Variants in OPRM1 observed in about 807,000 individuals in gnomAD.
OPRM1 encodes the protein opioid receptor mu 1, also known as mu-type opioid receptor.
Under a neutral mutation model 31.8 loss-of-function variants are expected in OPRM1, and 27 were observed. That is an observed-to-expected ratio of 0.85 (90% CI 0.63 to 1.17). The LOEUF (loss-of-function observed/expected upper bound fraction) is 1.17, where lower values mean the gene tolerates loss of function less well. Among genes scored for constraint, OPRM1 ranks in the 50% most tolerant of loss-of-function variants. OPRM1 has a pLI of 0.00. For synonymous variants in OPRM1, 196 were observed against 189.9 expected (o/e 1.03, Z -0.26); for missense variants, 536 against 511.1 (o/e 1.05, Z -0.47).
chr6:154,207,189 C>G (rs1490684483), intron 3 of OPRM1, among the ~76,000 whole-genome samples: 1 of 152,168 alleles, frequency 6.6e-6, no homozygotes, highest in Admixed American at 6.5e-5. Context: ...GGAGAGCCAC[C>G]GGGCTGCGTG....
At chr6:154,160,886 T>C (rs780446369) in intron 3 of OPRM1, among the ~76,000 whole-genome samples, 1 of 152,194 alleles carries the variant, frequency 6.6e-6, no homozygotes, top group Non-Finnish European at 1.5e-5. Context: ...GCGAGACCAC[T>C]GCCTCCAATG....
At chr6:154,083,994 C>T in intron 1 of OPRM1, among the ~76,000 whole-genome samples, 1 of 148,716 alleles carries the variant, frequency 6.7e-6, no homozygotes, top group South Asian at 2.2e-4. Flanking sequence ...ATTCATCCCA[C>T]TCTGGTGACA....
chr6:154,110,460 G>T (rs1420321082), intron 3 of OPRM1: 3 of 1,241,808 alleles, frequency 2.4e-6, no homozygotes, highest in South Asian at 1.3e-5. Context: ...AAGCCAGAGA[G>T]CCTGGGTTCT....
At chr6:154,064,560 G>T (rs1784999779) in intron 1 of OPRM1, among the ~76,000 whole-genome samples, 1 of 152,118 alleles carries the variant, frequency 6.6e-6, no homozygotes, top group Admixed American at 6.6e-5. Flanking sequence ...AGAAATCTTT[G>T]TGAAATCTAA....
intron 3 of OPRM1, among the ~76,000 whole-genome samples, chr6:154,148,880 AC>A (rs970095549): frequency 6.6e-6 from 1 of 152,178 alleles, no homozygotes; most frequent in African/African-American, 2.4e-5. Context: ...GTCATCTATT[AC>A]TTGACCTCTG....
chr6:154,239,148 C>T (rs1164954169), intron 3 of OPRM1, among the ~76,000 whole-genome samples: 10 of 151,980 alleles, frequency 6.6e-5, no homozygotes, highest in South Asian at 4.2e-4. Context: ...TCCTGGCTCT[C>T]GGTGTTCCAC....
intron 3 of OPRM1, among the ~76,000 whole-genome samples, chr6:154,112,388 C>T (rs949996708): frequency 1.3e-5 from 2 of 152,236 alleles, no homozygotes; most frequent in Non-Finnish European, 2.9e-5. Context: ...TATCAGCATG[C>T]TAATGCCAGT....
At chr6:154,096,297 T>A (rs144621204) in intron 3 of OPRM1, among the ~76,000 whole-genome samples, 2 of 152,124 alleles carry the variant, frequency 1.3e-5, no homozygotes, top group Non-Finnish European at 2.9e-5. Flanking sequence ...TGACCCCAAG[T>A]GATCCGCCCA....
intron 3 of OPRM1, among the ~76,000 whole-genome samples, chr6:154,237,444 C>T (rs988502061): frequency 6.6e-6 from 1 of 152,192 alleles, no homozygotes; most frequent in South Asian, 2.1e-4. Context: ...AAAACCATTC[C>T]TGGTATCTGA....
intron 3 of OPRM1, chr6:154,107,729 GT>G: frequency 1.4e-6 from 1 of 718,486 alleles, no homozygotes; most frequent in Non-Finnish European, 2.6e-6. Flanking sequence ...ACTTCATCCA[GT>G]TTTTTTGTTG....
At chr6:154,053,455 A>G (rs1782589412) in intron 1 of OPRM1, among the ~76,000 whole-genome samples, 1 of 152,158 alleles carries the variant, frequency 6.6e-6, no homozygotes, top group African/African-American at 2.4e-5. Context: ...CATATTGCTC[A>G]TTTAAAAAAA....
intron 1 of OPRM1, among the ~76,000 whole-genome samples, chr6:154,042,354 C>T (rs528999777): frequency 2.0e-4 from 31 of 152,236 alleles, no homozygotes; most frequent in African/African-American, 7.0e-4. Flanking sequence ...ATTGTCCTTG[C>T]TAAAATGCTG....
chr6:154,068,210 A>G (rs1785870442), intron 1 of OPRM1, among the ~76,000 whole-genome samples: 1 of 152,182 alleles, frequency 6.6e-6, no homozygotes, highest in Non-Finnish European at 1.5e-5. Context: ...CTAGCTAGTT[A>G]TAACTTCTGT....
At chr6:154,069,170 T>C (rs1475601349) in intron 1 of OPRM1, among the ~76,000 whole-genome samples, 1 of 152,242 alleles carries the variant, frequency 6.6e-6, no homozygotes, top group African/African-American at 2.4e-5. Context: ...TTCACTCTGG[T>C]AATTTGTCTC....
At chr6:154,151,164 G>A (rs1018747777) in intron 3 of OPRM1, among the ~76,000 whole-genome samples, 3 of 152,202 alleles carry the variant, frequency 2.0e-5, no homozygotes, top group Admixed American at 6.5e-5. Context: ...CCATCCTTAC[G>A]ATCGGTATCC....
intron 3 of OPRM1, among the ~76,000 whole-genome samples, chr6:154,204,946 T>C (rs888614488): frequency 6.6e-6 from 1 of 152,170 alleles, no homozygotes; most frequent in African/African-American, 2.4e-5. Context: ...ACACTGGCCT[T>C]CTTTCTGTCC....
intron 1 of OPRM1, among the ~76,000 whole-genome samples, chr6:154,053,787 A>G (rs1325299894): frequency 1.3e-5 from 2 of 152,234 alleles, no homozygotes; most frequent in Non-Finnish European, 2.9e-5. Context: ...GACCATCAGG[A>G]AAAAGTTCGC....
Position 154,039,342 on chromosome 6 carries a change from G to C in OPRM1, c.-203G>C, listed in dbSNP as rs768449856. 6 of 1,547,686 alleles carry C rather than the reference G, an allele frequency of 3.9e-6. No individual in the cohort carries two copies. Among genetic ancestry groups the C allele is most frequent in the Non-Finnish European group, 5.2e-6 (6 of 1,144,748 alleles). The stretch of plus-strand genomic sequence containing the variant: ...CTGTGAACTACTAAGGTGGGAGGGG[G>C]CTATACGCAGAGGAGAATGTCAGAT... On this transcript the variant is annotated 5_prime_UTR_variant, in exon 1 of 4. Transcript: ENST00000330432.
intron 1 of OPRM1, among the ~76,000 whole-genome samples, chr6:154,060,601 G>A (rs487511): frequency 0.047 from 7,221 of 152,188 alleles, 327 homozygotes; most frequent in Admixed American, 0.15. Context: ...TTTGCTTATT[G>A]TATCAATATG....
Sources: gnomAD v4.1 joint callset for allele counts (sites outside exome capture counted in the v4.1 genomes callset) on GRCh38, gnomAD v4.1.1 for gene constraint, MANE v1.5 for transcripts, NCBI Gene and HGNC (gene_info 2026-07-23, HGNC 2026-07-21) for gene names.